ATP8B3: variants seen among roughly 807,000 people sequenced by gnomAD.
ATP8B3 encodes the protein ATPase phospholipid transporting 8B3.
A neutral mutation model predicts 140.9 loss-of-function variants in ATP8B3; 141 were observed. The ratio of observed to expected loss-of-function variants is 1.00; its 90% CI spans 0.87 to 1.15. The LOEUF (loss-of-function observed/expected upper bound fraction) is 1.15. Ranked by LOEUF, ATP8B3 falls within the 50% of genes most tolerant of loss-of-function variation. The pLI is 0.00. For synonymous variants in ATP8B3, 765 were observed against 714.6 expected (o/e 1.07, Z -1.13); for missense variants, 1,874 against 1,740.6 (o/e 1.08, Z -1.36).
intron 18 of ATP8B3, among the ~76,000 whole-genome samples, chr19:1,792,850 G>A (rs1413788809): frequency 6.6e-6 from 1 of 151,688 alleles, no homozygotes; most frequent in South Asian, 2.1e-4. Flanking sequence ...GGGAGGCCGA[G>A]GTTGCAGTGA....
intron 10 of ATP8B3, among the ~76,000 whole-genome samples, chr19:1,803,446 C>A (rs2068914976): frequency 1.3e-5 from 2 of 152,216 alleles, no homozygotes; most frequent in Admixed American, 1.3e-4. Flanking sequence ...CCTCTCTGAA[C>A]CTCAGTGTCT....
chr19:1,782,295 A>G lies in ATP8B3; in HGVS notation c.*733T>C. On this transcript the variant is annotated 3_prime_UTR_variant, in exon 29 of 29. Transcript: ENST00000310127. ...GGTCTAGGGATTCAGATGCTACGTC[A>G]CTGCTGAACCCTGGTCCCCTCCGCA... The G allele has an allele frequency of 2.8e-6, 1 of 351,104 alleles. No individual in the cohort carries two copies. The highest frequency in any genetic ancestry group is 5.2e-6 in the Non-Finnish European group (1 of 191,728). 21.7% of individuals were successfully genotyped at this position (351,104 alleles called of 1,614,324 possible).
rs377462327 is a variant in ATP8B3, at chr19:1,799,953, C to T, written c.1546G>A (p.Val516Ile). 336 of 1,594,394 alleles carry T rather than the reference C, an allele frequency of 2.1e-4. No individual in the cohort carries two copies. The highest frequency in any genetic ancestry group is 2.7e-4 in the Non-Finnish European group (314 of 1,170,886). Reference sequence around the variant, plus strand: ...TCAGGTGTCGGGGCCGCACCATAGACGCGGCCGCTGATGCAGCACTTGTTG... The same window carrying T: ...TCAGGTGTCGGGGCCGCACCATAGATGCGGCCGCTGATGCAGCACTTGTTG... ...TFNKCCISGR[V>I]YGPDSEATTR... The change falls in exon 14 of 29, where the codon GTC becomes ATC. Residue 516 changes from valine (V) to isoleucine (I), a missense_variant. This residue lies in a region of ATP8B3 where 1,032 missense variants were observed against 963.6 expected (regional missense o/e 1.07). Transcript: ENST00000310127.
chr19:1,792,265 A>G (rs1330454310), intron 18 of ATP8B3, 130 bp from the exon 19 acceptor site: 1 of 1,076,738 alleles, frequency 9.3e-7, no homozygotes, highest in Non-Finnish European at 1.3e-6. Context: ...CCCAGCCAAC[A>G]GCAGCCAGAA....
chr19:1,784,765 AACCAGGGTCCT>A, intron 28 of ATP8B3, 43 bp downstream of exon 28: 2 of 1,532,386 alleles, frequency 1.3e-6, no homozygotes, highest in Admixed American at 4.1e-5. Flanking sequence ...ACGGCTCCCC[AACCAGGGTCCT>A]GGAATGTACC....
intron 4 of ATP8B3, among the ~76,000 whole-genome samples, chr19:1,809,069 G>A (rs1168432039): frequency 6.6e-6 from 1 of 152,082 alleles, no homozygotes; most frequent in Non-Finnish European, 1.5e-5. Context: ...AGCTACTTGG[G>A]AGTCTCAGGC....
rs56335545 is a variant in ATP8B3, at chr19:1,789,722, T to C, written c.2484A>G (p.Lys828=). The C allele has an allele frequency of 0.08, 124,739 of 1,567,004 alleles. 6,204 individuals are homozygous for C. The highest frequency in any genetic ancestry group is 0.21 in the African/African-American group (15,876 of 74,000). Residue 828 remains lysine (K), a synonymous_variant, in exon 23 of 29, where the codon AAA becomes AAG. Transcript: ENST00000310127. Reference sequence around the variant, plus strand: ...GCTCCTTCCGCAGGGACACCAGCAGTTTGTCCTGGCCGGCGGGGAGGGGGC... The same window carrying C: ...GCTCCTTCCGCAGGGACACCAGCAGCTTGTCCTGGCCGGCGGGGAGGGGGC... ...ALVINGDFLD[K]LLVSLRKEPR...
Position 1,805,819 on chromosome 19 carries a change from G to A in ATP8B3, c.821+69C>T. The A allele has an allele frequency of 4.4e-6, 7 of 1,586,128 alleles. No individual in the cohort carries two copies. The highest frequency in any genetic ancestry group is 6.0e-6 in the Non-Finnish European group (7 of 1,158,456). ...TTGGCTGGCCGCCTCCTTGGTGACT[G>A]GGGAAGGGGGCTCCTCCGGGCCATG... On this transcript the variant is annotated intron_variant, in intron 9 of 28. Transcript: ENST00000310127. The surrounding 1 kb of genome is among the most constrained non-coding windows in gnomAD (Gnocchi z 5.2).
chr19:1,806,795 C>T lies in ATP8B3; in HGVS notation c.616-106G>A. ...CAGTGCCCGCCCGCAACACGGGGTC[C>T]CTGTCCGCTGGCCCCACGCCACGTT... is the stretch of plus-strand genomic sequence containing the variant. On this transcript the variant is annotated intron_variant, in intron 6 of 28. Coordinates refer to ENST00000310127, the MANE Select transcript of ATP8B3 (RefSeq NM_138813.4). The surrounding 1 kb of genome is among the most constrained non-coding windows in gnomAD (Gnocchi z 5.6). 1 of 1,274,212 alleles carries T rather than the reference C, an allele frequency of 7.8e-7. No homozygotes were observed. Among genetic ancestry groups the T allele is most frequent in the South Asian group, 1.3e-5 (1 of 77,022 alleles). The allele number at this position is 1,274,212 out of a possible 1,614,324, so 78.9% of individuals were successfully genotyped here. A position where few individuals can be genotyped will look rare whatever the true frequency, so the allele number is the denominator to read the frequency against.
At chr19:1,789,752 C>G in intron 22 of ATP8B3, 25 bp from the exon 23 acceptor site, 1 of 1,541,754 alleles carries the variant, frequency 6.5e-7, no homozygotes, top group African/African-American at 1.4e-5. Flanking sequence ...GGGGGCTGTG[C>G]CAGGCGCCGT....
At position 1,782,772 on chromosome 19, in the gene ATP8B3, G is replaced by C; in HGVS notation, c.*256C>G. On this transcript the variant is annotated 3_prime_UTR_variant, in exon 29 of 29. Coordinates refer to ENST00000310127, the MANE Select transcript of ATP8B3 (RefSeq NM_138813.4). ...TCCTTGGTCAACAGCAACTTCTCAG[G>C]AGAAGGTGGCCTCTGCTTGGGTGAC... The C allele has an allele frequency of 2.0e-6, 1 of 510,174 alleles. No homozygotes were observed. The allele number at this position is 510,174 out of a possible 1,614,324, so 31.6% of individuals were successfully genotyped here. A position where few individuals can be genotyped will look rare whatever the true frequency, so the allele number is the denominator to read the frequency against.
Position 1,789,584 on chromosome 19 carries a change from C to A in ATP8B3, c.2622G>T (p.Gly874=), listed in dbSNP as rs1025552985. ...GGGCTGGCGGTGCAGCCAGCGGGAGCCCGAACCTCCGGCACAGCAGGGACA... is the reference window on the plus strand; with the variant it reads ...GGGCTGGCGGTGCAGCCAGCGGGAGACCGAACCTCCGGCACAGCAGGGACA... ...RRLSLLCRRF[G]LPLAAPPAQD... The change falls in exon 23 of 29, where the codon GGG becomes GGT. Residue 874 remains glycine, a synonymous_variant. Transcript: ENST00000310127. 1 of 1,592,836 alleles carries A rather than the reference C, an allele frequency of 6.3e-7. No homozygotes were observed. Among genetic ancestry groups the A allele is most frequent in the Non-Finnish European group, 8.5e-7 (1 of 1,175,102 alleles).
At chr19:1,811,415 C>T in intron 2 of ATP8B3, 74 bp downstream of exon 2, 2 of 1,517,478 alleles carry the variant, frequency 1.3e-6, no homozygotes, top group Non-Finnish European at 1.8e-6. Context: ...CCCCCACCTG[C>T]CAGCTCTCTA....
rs2068699618 is a variant in ATP8B3, at chr19:1,796,958, A to G, written c.1584+16T>C. On this transcript the variant is annotated intron_variant, in intron 15 of 28. Coordinates refer to ENST00000310127, the MANE Select transcript of ATP8B3 (RefSeq NM_138813.4). ...GTCCCCCTCACCGTCCCGCGCTGCA[A>G]GCCAGGCAGGCTCACCTTAGGTCGG... 6.2e-7 allele frequency: 1 copy of G among 1,612,674 alleles called. No homozygotes were observed. Among genetic ancestry groups the G allele is most frequent in the South Asian group, 1.1e-5 (1 of 91,086 alleles).
At chr19:1,810,846 T>C (rs1335621125) in intron 2 of ATP8B3, among the ~76,000 whole-genome samples, 163 bp from the exon 3 acceptor site, 1 of 152,150 alleles carries the variant, frequency 6.6e-6, no homozygotes, top group Non-Finnish European at 1.5e-5. Flanking sequence ...AGCCATAGGC[T>C]GTGTGTCTTG....
chr19:1,798,177 G>A (rs2068737951), intron 14 of ATP8B3, among the ~76,000 whole-genome samples: 1 of 151,778 alleles, frequency 6.6e-6, no homozygotes, highest in African/African-American at 2.4e-5. Context: ...TGTCATGTTG[G>A]CCAGGCTGCT....
chr19:1,794,941 G>C lies in ATP8B3; in HGVS notation c.2055+934C>G, dbSNP rs951812675. Among the ~76,000 whole-genome samples the C allele has an allele frequency of 1.3e-5, 2 of 152,180 alleles. No homozygotes were observed. The highest frequency in any genetic ancestry group is 6.5e-5 in the Admixed American group (1 of 15,274). ...GGCAGCTGGGCCAGCTCAACCGCACGGTCGTCTTGTGCAAATGAGAAAAAT... is the reference window on the plus strand; with the variant it reads ...GGCAGCTGGGCCAGCTCAACCGCACCGTCGTCTTGTGCAAATGAGAAAAAT... On this transcript the variant is annotated intron_variant, in intron 18 of 28. Coordinates refer to ENST00000310127, the MANE Select transcript of ATP8B3 (RefSeq NM_138813.4). The surrounding 1 kb of genome is among the most constrained non-coding windows in gnomAD (Gnocchi z 4.8).
intron 25 of ATP8B3, 126 bp from the exon 26 acceptor site, chr19:1,785,834 G>T: frequency 8.9e-7 from 1 of 1,117,336 alleles, no homozygotes; most frequent in Non-Finnish European, 1.2e-6. Context: ...GTTTAAGTGA[G>T]TTAAAATAAA....
At position 1,807,164 on chromosome 19, in the gene ATP8B3, T is replaced by A. The variant is rs1391306271; in HGVS notation, c.615+4A>T. On this transcript the variant is annotated splice_donor_region_variant and intron_variant, in intron 6 of 28. Coordinates refer to ENST00000310127, the MANE Select transcript of ATP8B3 (RefSeq NM_138813.4). This position sits in a 1 kb window ranked among gnomAD's most constrained non-coding sequence, Gnocchi z 5.9. Reference sequence around the variant, plus strand: ...CCCAGGCAGCTGCATCCAACAGCACTCACCATGTCGTCCACCAGGTCCCGG... The same window carrying A: ...CCCAGGCAGCTGCATCCAACAGCACACACCATGTCGTCCACCAGGTCCCGG... 6.9e-6 allele frequency: 11 copies of A among 1,605,786 alleles called. No homozygotes were observed. In the African/African-American group the frequency reaches 1.2e-4, roughly 18 times the overall value.
Sources: allele counts gnomAD v4.1 joint callset (sites outside exome capture counted in the v4.1 genomes callset), GRCh38; gene constraint gnomAD v4.1.1; regional missense constraint gnomAD v4.1.1; non-coding constraint Gnocchi (gnomAD v3.1); transcripts MANE v1.5; gene names NCBI Gene and HGNC (gene_info 2026-07-23, HGNC 2026-07-21).